ANKRD55: variants seen among roughly 807,000 people sequenced by gnomAD.
ANKRD55 encodes ankyrin repeat domain-containing protein 55.
Under a neutral mutation model 60.6 loss-of-function variants are expected in ANKRD55, and 41 were observed. The observed-to-expected ratio is 0.68, with a 90% CI of 0.53 to 0.88. ANKRD55 has a LOEUF of 0.88. Among genes scored for constraint, ANKRD55 ranks in the 40% least tolerant of loss-of-function variants. The pLI is 0.00. For missense variants in ANKRD55, 732 were observed against 767.6 expected (o/e 0.95, Z 0.55); for synonymous variants, 264 against 290.3 (o/e 0.91, Z 0.92).
At chr5:56,225,924 T>C (rs1163227309) in intron 2 of ANKRD55, among the ~76,000 whole-genome samples, 1 of 152,172 alleles carries the variant, frequency 6.6e-6, no homozygotes, top group African/African-American at 2.4e-5. Flanking sequence ...ATTTATAGAT[T>C]CAATGCCATC....
intron 8 of ANKRD55, among the ~76,000 whole-genome samples, chr5:56,120,898 T>TAAAA (rs1757027985): frequency 1.7e-5 from 1 of 58,178 alleles, no homozygotes; most frequent in East Asian, 6.9e-4. Context: ...AGACTCCGTC[T>TAAAA]CAAAAAAAAA....
chr5:56,105,138 A>G (rs318819), intron 10 of ANKRD55, among the ~76,000 whole-genome samples: 60,880 of 150,076 alleles, frequency 0.41, 14,020 homozygotes, highest in African/African-American at 0.65. Context: ...TCAGGATGGA[A>G]TGCAGTAGTG....
intron 6 of ANKRD55, among the ~76,000 whole-genome samples, chr5:56,149,023 G>A (rs1231587879): frequency 6.6e-6 from 1 of 151,796 alleles, no homozygotes; most frequent in Non-Finnish European, 1.5e-5. Flanking sequence ...AGTGATAGAG[G>A]GTCTCCCTTA....
intron 11 of ANKRD55, among the ~76,000 whole-genome samples, chr5:56,101,090 C>A (rs1756257508): frequency 6.6e-6 from 1 of 152,144 alleles, no homozygotes; most frequent in Admixed American, 6.6e-5. Flanking sequence ...TCCTTATCTG[C>A]CAAAAGACAG....
At chr5:56,224,205 A>G (rs1277073485) in intron 2 of ANKRD55, among the ~76,000 whole-genome samples, 1 of 151,890 alleles carries the variant, frequency 6.6e-6, no homozygotes, top group Non-Finnish European at 1.5e-5. Flanking sequence ...GCTCAACTAC[A>G]TGGAAACTGG....
At position 56,223,040 on chromosome 5, in the gene ANKRD55, A is replaced by G. The variant is rs547595138; in HGVS notation, c.58+9816T>C. On this transcript the variant is annotated intron_variant, in intron 2 of 11. Transcript: ENST00000341048. ...ACTCCTCAAGAAGACCAACTCCAAG[A>G]CACATAATTGTCAGATTCACCAAAG... 2.0e-5 allele frequency among the ~76,000 whole-genome samples: 3 copies of G among 152,298 alleles called. No homozygotes were observed. The East Asian group carries it at 5.8e-4, about 29-fold the overall frequency.
At chr5:56,109,722 A>G (rs546339911) in intron 10 of ANKRD55, among the ~76,000 whole-genome samples, 2 of 152,308 alleles carry the variant, frequency 1.3e-5, no homozygotes, top group East Asian at 3.9e-4. Context: ...ATACATTTGT[A>G]TAAAAATATA....
intron 7 of ANKRD55, among the ~76,000 whole-genome samples, chr5:56,141,355 G>A (rs761584832): frequency 6.6e-5 from 10 of 152,072 alleles, no homozygotes; most frequent in Non-Finnish European, 1.3e-4. Context: ...TCCTGCCTCA[G>A]TCTCCCAAGT....
At chr5:56,152,139 C>T (rs1317721845) in intron 6 of ANKRD55, among the ~76,000 whole-genome samples, 9 of 125,100 alleles carry the variant, frequency 7.2e-5, no homozygotes, top group Middle Eastern at 3.5e-3. Context: ...TTTAGATGTT[C>T]GGTCTTAGGC....
intron 2 of ANKRD55, among the ~76,000 whole-genome samples, chr5:56,229,580 G>T (rs1000353248): frequency 6.6e-6 from 1 of 152,212 alleles, no homozygotes. Context: ...TAGGAAGAGG[G>T]CAGAGACAGG....
intron 7 of ANKRD55, among the ~76,000 whole-genome samples, chr5:56,140,587 T>C (rs1394134567): frequency 6.6e-6 from 1 of 152,262 alleles, no homozygotes; most frequent in Non-Finnish European, 1.5e-5. Context: ...TCAAGAAGTA[T>C]TTATTTAGTG....
intron 2 of ANKRD55, among the ~76,000 whole-genome samples, chr5:56,210,112 A>T (rs997334373): frequency 2.0e-5 from 3 of 151,852 alleles, no homozygotes; most frequent in Admixed American, 6.6e-5. Context: ...ATTTCAAGCT[A>T]TTTTCCCACC....
At chr5:56,205,107 A>G (rs1561291696) in intron 2 of ANKRD55, among the ~76,000 whole-genome samples, 1 of 151,822 alleles carries the variant, frequency 6.6e-6, no homozygotes, top group Non-Finnish European at 1.5e-5. Context: ...GTTGCCCAGG[A>G]TGGAGTGCAT....
At chr5:56,167,411 A>G (rs1012668123) in intron 5 of ANKRD55, among the ~76,000 whole-genome samples, 9 of 152,246 alleles carry the variant, frequency 5.9e-5, no homozygotes, top group African/African-American at 2.2e-4. Flanking sequence ...TGGGACCATC[A>G]TTACACATGC....
chr5:56,155,523 C>T (rs1284664555), intron 6 of ANKRD55, among the ~76,000 whole-genome samples: 1 of 152,142 alleles, frequency 6.6e-6, no homozygotes. Flanking sequence ...CTCCTGATTT[C>T]TCAGAAGGTC....
intron 7 of ANKRD55, chr5:56,137,379 C>T (rs1414427642): frequency 1.8e-5 from 20 of 1,112,088 alleles, no homozygotes; most frequent in Admixed American, 3.4e-5. Flanking sequence ...AGCTCATGGT[C>T]GGATTAACCC....
At chr5:56,206,184 C>T (rs1759504307) in intron 2 of ANKRD55, among the ~76,000 whole-genome samples, 2 of 151,810 alleles carry the variant, frequency 1.3e-5, no homozygotes. Context: ...ACCATGTTGG[C>T]CAGGCTGGTC....
At chr5:56,170,623 T>C (rs1758589061) in intron 5 of ANKRD55, 71 bp downstream of exon 5, 2 of 1,235,034 alleles carry the variant, frequency 1.6e-6, no homozygotes, top group Non-Finnish European at 2.4e-6. Flanking sequence ...CACAGAGGGA[T>C]GGATTAGATG....
rs192641128 is a variant in ANKRD55, at chr5:56,222,613, T to C, written c.58+10243A>G. Among the ~76,000 whole-genome samples the C allele has an allele frequency of 1.0e-3, 141 of 137,176 alleles. 3 individuals are homozygous for C. In the Middle Eastern group the frequency reaches 0.029, roughly 28 times the overall value. The allele number at this position is 137,176 out of a possible 152,430, so 90.0% of individuals were successfully genotyped here. On this transcript the variant is annotated intron_variant, in intron 2 of 11. Coordinates refer to ENST00000341048, the MANE Select transcript of ANKRD55 (RefSeq NM_024669.3). ...AGAAGCTAAAAACCTTGAAAAAAGA[T>C]TGGACGAATGGCTAACTGAATAAAT...
Sources: allele counts gnomAD v4.1 joint callset (sites outside exome capture counted in the v4.1 genomes callset), GRCh38; gene constraint gnomAD v4.1.1; transcripts MANE v1.5; gene names NCBI Gene and HGNC (gene_info 2026-07-23, HGNC 2026-07-21).